The following ZSCAN12 variants were observed in gnomAD, a reference collection of about 807,000 sequenced individuals.
ZSCAN12 encodes the protein zinc finger and SCAN domain-containing protein 12.
Under a neutral mutation model 23.4 loss-of-function variants are expected in ZSCAN12, and 18 were observed. That is an observed-to-expected ratio of 0.77 (90% CI 0.53 to 1.14). The LOEUF is 1.14. Ranked by LOEUF, ZSCAN12 falls within the 50% of genes most tolerant of loss-of-function variation. ZSCAN12 has a pLI of 0.00. For synonymous variants in ZSCAN12, 186 were observed against 253.4 expected (o/e 0.73, Z 2.53); for missense variants, 650 against 735.0 (o/e 0.88, Z 1.34).
At position 28,392,910 on chromosome 6, in the gene ZSCAN12, T is replaced by C. The variant is rs1481348453; in HGVS notation, c.539A>G (p.Gln180Arg). ...KYESPELESQ[Q>R]EQVLDVETGN... ...GGGTCTTTCTTCTTTACCTTGCTCC[T>C]GTTGGGATTCAAGTTCTGGAGATTC... Residue 180 changes from glutamine to arginine, a missense_variant, in exon 3 of 4, where the codon CAG becomes CGG. Transcript: ENST00000684592. 4 of 1,552,212 alleles carry C rather than the reference T, an allele frequency of 2.6e-6. No homozygotes were observed. In the East Asian group the frequency reaches 9.8e-5, roughly 38 times the overall value.
At chr6:28,395,120 A>G (rs1484396311) in intron 2 of ZSCAN12, among the ~76,000 whole-genome samples, 1 of 151,904 alleles carries the variant, frequency 6.6e-6, no homozygotes, top group Non-Finnish European at 1.5e-5. Flanking sequence ...TTTTTAGTAG[A>G]GACAGGCTTT....
At chr6:28,398,761 C>CAAAAAA (rs775480746) in intron 1 of ZSCAN12, among the ~76,000 whole-genome samples, 1 of 72,786 alleles carries the variant, frequency 1.4e-5, no homozygotes, top group Non-Finnish European at 2.8e-5. Context: ...ACTAAAAATA[C>CAAAAAA]AAAAAAAAAA....
In ZSCAN12 at chr6:28,398,441, G is replaced by T; in HGVS notation, c.-36C>A. The T allele has an allele frequency of 6.7e-7, 1 of 1,498,354 alleles. No individual in the cohort carries two copies. Among genetic ancestry groups the T allele is most frequent in the African/African-American group, 1.4e-5 (1 of 71,508 alleles). The allele number at this position is 1,498,354 out of a possible 1,614,324, so 92.8% of individuals were successfully genotyped here. On this transcript the variant is annotated 5_prime_UTR_variant, in exon 2 of 4. Coordinates refer to ENST00000684592, the MANE Select transcript of ZSCAN12 (RefSeq NM_001163391.2). ...CTAGAACTACCGGTGTTTCAAGTAA[G>T]ATCTCACCTGGAAACTGTATTCCTG...
chr6:28,398,998 A>G (rs1761279447), intron 1 of ZSCAN12, among the ~76,000 whole-genome samples: 1 of 152,034 alleles, frequency 6.6e-6, no homozygotes, highest in African/African-American at 2.4e-5. Context: ...AAGTTGTTTC[A>G]GGACTTAAGA....
At chr6:28,399,312 C>G (rs911029903) in intron 1 of ZSCAN12, among the ~76,000 whole-genome samples, 14 of 152,320 alleles carry the variant, frequency 9.2e-5, no homozygotes, top group African/African-American at 3.4e-4. Context: ...TGATTATAAT[C>G]TGAAGTGAGG....
chr6:28,380,000 G>C (rs1209222416), downstream of ZSCAN12: 1 of 152,112 alleles, frequency 6.6e-6, no homozygotes. Context: ...TATTTCAAAA[G>C]TCCTGGTTGC....
At chr6:28,380,941 A>G (rs971551689), downstream of ZSCAN12, 2 of 152,842 alleles carry the variant, frequency 1.3e-5, no homozygotes, top group Non-Finnish European at 2.9e-5. Flanking sequence ...GATAGGGTAC[A>G]GTGATTAAAA....
At chr6:28,382,219 C>T (rs1164888903), downstream of ZSCAN12, 1 of 324,642 alleles carries the variant, frequency 3.1e-6, no homozygotes, top group Non-Finnish European at 5.5e-6. Context: ...AAGTAGGGGC[C>T]AGGGCCTGTT....
downstream of ZSCAN12, among the ~76,000 whole-genome samples, chr6:28,384,596 G>A (rs1476192919): frequency 1.3e-5 from 2 of 152,176 alleles, no homozygotes; most frequent in Non-Finnish European, 2.9e-5. Context: ...GGCTCTAAAT[G>A]ATGGTCTTAC....
At chr6:28,384,407 G>A (rs145347291), downstream of ZSCAN12, among the ~76,000 whole-genome samples, 1 of 152,166 alleles carries the variant, frequency 6.6e-6, no homozygotes, top group African/African-American at 2.4e-5. Context: ...GGCCAACTGG[G>A]CTTAGGAAAA....
intron 2 of ZSCAN12, among the ~76,000 whole-genome samples, chr6:28,396,460 C>T (rs1052548406): frequency 1.3e-5 from 2 of 152,184 alleles, no homozygotes; most frequent in Non-Finnish European, 2.9e-5. Flanking sequence ...GCTTAGAATA[C>T]ATTGCTCTGT....
Position 28,385,624 on chromosome 6 carries a change from A to C in ZSCAN12, c.*4830T>G, listed in dbSNP as rs1302483901. Among the ~76,000 whole-genome samples the C allele has an allele frequency of 6.6e-6, 1 of 152,230 alleles. No homozygotes were observed. The highest frequency in any genetic ancestry group is 1.5e-5 in the Non-Finnish European group (1 of 68,034). ...CTTGGGTTCAAATCTTGGCCTGACC[A>C]CATACTAACTTCGGGACCTTGAGCA... On this transcript the variant is annotated 3_prime_UTR_variant, in exon 4 of 4. Coordinates refer to ENST00000684592, the MANE Select transcript of ZSCAN12 (RefSeq NM_001163391.2).
rs191942533 is a variant in ZSCAN12, at chr6:28,394,974, G to A, written c.403-1928C>T. On this transcript the variant is annotated intron_variant, in intron 2 of 3. Coordinates refer to ENST00000684592, the MANE Select transcript of ZSCAN12 (RefSeq NM_001163391.2). Reference sequence around the variant, plus strand: ...TTTTGAGGCAGAGTCTCACTCTGTCGTCCAGGCTGGAGTGCAGTGGCAAGA... The same window carrying A: ...TTTTGAGGCAGAGTCTCACTCTGTCATCCAGGCTGGAGTGCAGTGGCAAGA... 1.1e-4 allele frequency among the ~76,000 whole-genome samples: 16 copies of A among 151,852 alleles called. No individual in the cohort carries two copies. The East Asian group carries it at 1.2e-3, about 11-fold the overall frequency.
intron 2 of ZSCAN12, 88 bp downstream of exon 2, chr6:28,397,916 G>A: frequency 7.1e-7 from 1 of 1,417,574 alleles, no homozygotes; most frequent in South Asian, 1.6e-5. Flanking sequence ...TCAAAAACAT[G>A]CTTTGTGAAA....
chr6:28,390,562 A>G lies in ZSCAN12; in HGVS notation c.1728T>C (p.Asn576=), dbSNP rs1171347156. The G allele has an allele frequency of 1.2e-5, 19 of 1,584,130 alleles. No individual in the cohort carries two copies. Among genetic ancestry groups the G allele is most frequent in the Non-Finnish European group, 1.5e-5 (18 of 1,165,016 alleles). The stretch of plus-strand genomic sequence containing the variant: ...CTTTACATACATAGGTACCACGTCT[A>G]TTATGGATTCTCTGGTGTTTACTAA... ...SDLSKHQRIH[N]RRGTYVCKEC... Residue 576 remains asparagine, a synonymous_variant, in exon 4 of 4, where the codon AAT becomes AAC. Coordinates refer to ENST00000684592, the MANE Select transcript of ZSCAN12 (RefSeq NM_001163391.2).
Position 28,393,010 on chromosome 6 carries a change from G to A in ZSCAN12, c.439C>T (p.Gln147Ter). The change falls in exon 3 of 4, where the codon CAG becomes TAG. Residue 147 changes from glutamine (Q) to a stop codon, truncating the protein, a stop_gained. Transcript: ENST00000684592. LOFTEE classifies it high-confidence loss of function. ...VHTGEQEMFLQETVRLRKEGE... is the reference protein window; with the variant it reads ...VHTGEQEMFL ...TCTTTTCGTAGACGTACCGTCTCCT[G>A]CAAGAACATTTCCTGTTCCCCAGTG... The A allele has an allele frequency of 6.4e-7, 1 of 1,551,824 alleles. No homozygotes were observed. The highest frequency in any genetic ancestry group is 8.7e-7 in the Non-Finnish European group (1 of 1,146,988).
At chr6:28,397,943 C>T in intron 2 of ZSCAN12, 61 bp downstream of exon 2, 4 of 1,472,808 alleles carry the variant, frequency 2.7e-6, no homozygotes, top group Non-Finnish European at 3.6e-6. Flanking sequence ...CTGTTCTTCA[C>T]TCTGGCCTAG....
downstream of ZSCAN12, chr6:28,378,864 A>C (rs1760079947): frequency 1.3e-5 from 2 of 152,222 alleles, no homozygotes; most frequent in South Asian, 4.1e-4. Context: ...AGGTTGGTTC[A>C]ATATTAAGAA....
downstream of ZSCAN12, chr6:28,380,289 C>T (rs887752614): frequency 3.9e-5 from 6 of 152,206 alleles, no homozygotes; most frequent in African/African-American, 1.4e-4. Flanking sequence ...CAAGTTCCAA[C>T]CTCTGAAGAC....
Sources: allele counts gnomAD v4.1 joint callset (sites outside exome capture counted in the v4.1 genomes callset), GRCh38; gene constraint gnomAD v4.1.1; transcripts MANE v1.5; gene names NCBI Gene and HGNC (gene_info 2026-07-23, HGNC 2026-07-21).